SH2D4B: variants seen among roughly 807,000 people sequenced by gnomAD.
The protein encoded by SH2D4B is SH2 domain-containing protein 4B.
Under a neutral mutation model 61.5 loss-of-function variants are expected in SH2D4B, and 45 were observed. That is an observed-to-expected ratio of 0.73 (90% confidence interval 0.58 to 0.94). The LOEUF (loss-of-function observed/expected upper bound fraction) is 0.94, where lower values mean the gene tolerates loss of function less well. SH2D4B is among the 40% of genes least tolerant of loss of function. SH2D4B has a pLI of 0.00. For synonymous variants in SH2D4B, 224 were observed against 220.4 expected, an observed-to-expected ratio of 1.02 and a Z score of -0.14; for missense variants, 572 against 574.2, an observed-to-expected ratio of 1.00 and a Z score of 0.04.
chr10:80,644,226 A>G lies in SH2D4B; in HGVS notation c.*141A>G. On this transcript the variant is annotated 3_prime_UTR_variant, in exon 8 of 8. Transcript: ENST00000646907. ...AGTAGATTAATATGCCTCAAGGGAT[A>G]TGACATCTATGGCATAGGGCTACTG... The G allele has an allele frequency of 1.5e-6, 1 of 659,930 alleles. No individual in the cohort carries two copies. Among genetic ancestry groups the G allele is most frequent in the South Asian group, 1.9e-5 (1 of 52,186 alleles). 40.9% of individuals were successfully genotyped at this position (659,930 alleles called of 1,614,324 possible).
chr10:80,597,706 G>A (rs1335543346), intron 4 of SH2D4B, among the ~76,000 whole-genome samples: 1 of 150,604 alleles, frequency 6.6e-6, no homozygotes, highest in African/African-American at 2.5e-5. Context: ...AAAATACACG[G>A]GGAGAGAGTG....
chr10:80,618,848 G>C (rs1842686476), intron 6 of SH2D4B, among the ~76,000 whole-genome samples: 1 of 152,110 alleles, frequency 6.6e-6, no homozygotes, highest in South Asian at 2.1e-4. Flanking sequence ...GTTCAATTCT[G>C]AGCTAATAAT....
intron 3 of SH2D4B, among the ~76,000 whole-genome samples, chr10:80,587,118 A>G (rs2132128785): frequency 7.0e-6 from 1 of 142,524 alleles, no homozygotes; most frequent in South Asian, 2.2e-4. Context: ...AGAACCCACC[A>G]ATTCCGGCCA....
intron 1 of SH2D4B, among the ~76,000 whole-genome samples, chr10:80,562,754 G>T (rs956429117): frequency 6.6e-6 from 1 of 151,956 alleles, no homozygotes; most frequent in East Asian, 1.9e-4. Flanking sequence ...AGCGTAAAAG[G>T]CTCCCTTTTC....
At position 80,538,642 on chromosome 10, in the gene SH2D4B, C is replaced by G; in HGVS notation, c.184+127C>G. ...TGATGAGGGCTGGGGGCTTGAAACC[C>G]TTGTCTTGTGGGCATCAGGTCCCAT... On this transcript the variant is annotated intron_variant, in intron 1 of 7. Transcript: ENST00000646907. This position sits in a 1 kb window ranked among gnomAD's most constrained non-coding sequence, Gnocchi z 4.8. The G allele has an allele frequency of 1.2e-6, 1 of 822,534 alleles. No individual in the cohort carries two copies. The highest frequency in any genetic ancestry group is 3.4e-5 in the East Asian group (1 of 29,760). The allele number at this position is 822,534 out of a possible 1,614,324, so 51.0% of individuals were successfully genotyped here.
intron 5 of SH2D4B, 131 bp from the exon 6 acceptor site, chr10:80,609,293 C>G: frequency 4.3e-5 from 24 of 558,072 alleles, no homozygotes; most frequent in Middle Eastern, 5.7e-4. Flanking sequence ...CCTGCCCCTT[C>G]TTCCACCCCC....
intron 7 of SH2D4B, among the ~76,000 whole-genome samples, chr10:80,635,436 C>T (rs764565120): frequency 4.6e-5 from 7 of 152,154 alleles, no homozygotes; most frequent in Non-Finnish European, 7.4e-5. Flanking sequence ...GACGGTCTCA[C>T]TGGGGTTTTG....
intron 6 of SH2D4B, among the ~76,000 whole-genome samples, chr10:80,627,657 C>T (rs377257925): frequency 9.0e-6 from 1 of 111,172 alleles, no homozygotes. Context: ...AAATTCCCAT[C>T]AATCTTCATT....
rs546694157 is a variant in SH2D4B at position 80,587,987 on chromosome 10, C to G, written c.496-643C>G. Among the ~76,000 whole-genome samples, 4 of 152,288 alleles carry G rather than the reference C, an allele frequency of 2.6e-5. No homozygotes were observed. In the South Asian group the frequency reaches 8.3e-4, roughly 32 times the overall value. On this transcript the variant is annotated intron_variant, in intron 3 of 7. Coordinates refer to ENST00000646907, the MANE Select transcript of SH2D4B (RefSeq NM_001388272.1). The stretch of plus-strand genomic sequence containing the variant: ...CACCTGTTTCAACCCATTTTCTCCT[C>G]ACCACCACCTTGTCAGTTAAGTTAG...
At position 80,587,144 on chromosome 10, in the gene SH2D4B, TTG is replaced by T. The variant is rs1343926708; in HGVS notation, c.496-1484_496-1483del. Among the ~76,000 whole-genome samples, 383 of 42,774 alleles carry T rather than the reference TTG, an allele frequency of 9.0e-3. 7 individuals carry two copies. Among genetic ancestry groups the T allele is most frequent in the African/African-American group, 0.062 (288 of 4,646 alleles). The allele number at this position is 42,774 out of a possible 152,430, so 28.1% of individuals were successfully genotyped here. On this transcript the variant is annotated intron_variant, in intron 3 of 7. Transcript: ENST00000646907. ...ATTCCGGCCACGTTTTTTTTTTTTTTTGTTTTGTTTTTTTTTTTTTTTTTGGA... is the reference window on the plus strand; with the variant it reads ...ATTCCGGCCACGTTTTTTTTTTTTTTTTTTGTTTTTTTTTTTTTTTTTGGA...
intron 4 of SH2D4B, among the ~76,000 whole-genome samples, chr10:80,593,865 A>C (rs1270057599): frequency 6.6e-6 from 1 of 152,170 alleles, no homozygotes; most frequent in Non-Finnish European, 1.5e-5. Context: ...GCTGGAGTGC[A>C]GTGGCATTAT....
In SH2D4B at chr10:80,627,922, C is replaced by A. The variant is rs146918061; in HGVS notation, c.989-6363C>A. ...ATCTTCAGTTGCATTCTCCAATATT[C>A]ATTCTAAAATTGTCACCCTGGAGCG... On this transcript the variant is annotated intron_variant, in intron 6 of 7. Coordinates refer to ENST00000646907, the MANE Select transcript of SH2D4B (RefSeq NM_001388272.1). Among the ~76,000 whole-genome samples, 172 of 152,288 alleles carry A rather than the reference C, an allele frequency of 1.1e-3. 1 individual carries two copies. The highest frequency in any genetic ancestry group is 4.0e-3 in the African/African-American group (168 of 41,548).
intron 3 of SH2D4B, among the ~76,000 whole-genome samples, chr10:80,572,558 C>T (rs1027453918): frequency 6.6e-6 from 1 of 152,020 alleles, no homozygotes; most frequent in African/African-American, 2.4e-5. Flanking sequence ...TGTTTTGCCC[C>T]ATACTAATTA....
chr10:80,630,749 C>T (rs539219897), intron 6 of SH2D4B, among the ~76,000 whole-genome samples: 2 of 152,236 alleles, frequency 1.3e-5, no homozygotes, highest in Admixed American at 6.5e-5. Flanking sequence ...GAGGATGGGG[C>T]TTTCAATGAG....
At position 80,603,661 on chromosome 10, in the gene SH2D4B, T is replaced by C; in HGVS notation, c.726T>C (p.Arg242=). ...ARDEYRHHSL[R]AIQKGTVAGL... is the part of the protein sequence containing the mutation. The stretch of plus-strand genomic sequence containing the variant: ...ACGAGTACCGACACCACTCGCTCCG[T>C]GCTATCCAGAAGGGCACGGTCGCTG... Residue 242 remains arginine (R), a synonymous_variant, in exon 5 of 8, where the codon CGT becomes CGC. Transcript: ENST00000646907. 1 of 1,608,548 alleles carries C rather than the reference T, an allele frequency of 6.2e-7. No individual in the cohort carries two copies. Among genetic ancestry groups the C allele is most frequent in the East Asian group, 2.2e-5 (1 of 44,614 alleles).
intron 1 of SH2D4B, among the ~76,000 whole-genome samples, chr10:80,569,818 A>G (rs555253908): frequency 5.3e-5 from 8 of 152,172 alleles, no homozygotes; most frequent in Admixed American, 5.2e-4. Context: ...AACCTAAAAG[A>G]TATCACTGCA....
chr10:80,543,190 G>A (rs1011776781), intron 1 of SH2D4B, among the ~76,000 whole-genome samples: 2 of 152,170 alleles, frequency 1.3e-5, no homozygotes, highest in African/African-American at 4.8e-5. Flanking sequence ...CCTTCAGCCC[G>A]CCGTTGCACT....
chr10:80,640,221 T>G (rs1403475063), intron 7 of SH2D4B, among the ~76,000 whole-genome samples: 4 of 152,234 alleles, frequency 2.6e-5, no homozygotes, highest in African/African-American at 9.6e-5. Flanking sequence ...GCCCTTAACA[T>G]TTTTTCCTTC....
At chr10:80,640,394 G>T (rs536975654) in intron 7 of SH2D4B, among the ~76,000 whole-genome samples, 1 of 152,272 alleles carries the variant, frequency 6.6e-6, no homozygotes, top group Non-Finnish European at 1.5e-5. Flanking sequence ...TTCCAACTTG[G>T]TTCCATTCTC....
Sources: gnomAD v4.1 joint callset for allele counts (sites outside exome capture counted in the v4.1 genomes callset) on GRCh38, gnomAD v4.1.1 for gene constraint, Gnocchi (gnomAD v3.1) non-coding constraint, MANE v1.5 for transcripts, NCBI Gene and HGNC (gene_info 2026-07-23, HGNC 2026-07-21) for gene names.